The following CHN1 variants were observed in gnomAD, a reference collection of about 807,000 sequenced individuals.
CHN1 encodes chimerin 1, also known as N-chimaerin.
In CHN1, 37 loss-of-function variants were observed where a neutral mutation model predicts 59.5. That is an observed-to-expected ratio of 0.62 (90% CI 0.48 to 0.82). CHN1 has a LOEUF of 0.82. CHN1 is among the 40% of genes least tolerant of loss of function. CHN1 has a pLI of 0.00. For synonymous variants in CHN1, 206 were observed against 200.4 expected, an observed-to-expected ratio of 1.03 and a Z score of -0.24; for missense variants, 469 against 571.0, an observed-to-expected ratio of 0.82 and a Z score of 1.82.
chr2:174,986,412 C>T (rs745691369), intron 1 of CHN1, among the ~76,000 whole-genome samples: 4 of 151,974 alleles, frequency 2.6e-5, no homozygotes, highest in Non-Finnish European at 4.4e-5. Flanking sequence ...TGCCTAATAA[C>T]CAAAAGTTTA....
intron 3 of CHN1, among the ~76,000 whole-genome samples, chr2:174,939,965 A>C (rs1048977034): frequency 2.6e-5 from 4 of 152,190 alleles, no homozygotes; most frequent in African/African-American, 9.7e-5. Context: ...ACCAGAAGTC[A>C]CAATAACAAA....
intron 3 of CHN1, among the ~76,000 whole-genome samples, chr2:174,926,509 C>T (rs1469936649): frequency 2.0e-5 from 3 of 152,118 alleles, no homozygotes; most frequent in Admixed American, 6.6e-5. Context: ...TGACTTTCAC[C>T]CTGGCATTGT....
intron 6 of CHN1, among the ~76,000 whole-genome samples, chr2:174,869,112 T>C (rs1687319602): frequency 1.3e-5 from 2 of 152,140 alleles, no homozygotes; most frequent in South Asian, 2.1e-4. Flanking sequence ...AGGTCCAAGA[T>C]CCCAACAGAG....
intron 1 of CHN1, among the ~76,000 whole-genome samples, chr2:174,971,709 T>C (rs1209414381): frequency 1.3e-5 from 2 of 152,208 alleles, no homozygotes; most frequent in Admixed American, 6.5e-5. Context: ...AAGGCACCTA[T>C]TTAAAGTCAC....
chr2:174,997,307 T>C (rs1261698095), intron 1 of CHN1, among the ~76,000 whole-genome samples: 3 of 152,316 alleles, frequency 2.0e-5, no homozygotes, highest in South Asian at 2.1e-4. Context: ...CTTTTGCTTA[T>C]GACATCACCT....
intron 7 of CHN1, among the ~76,000 whole-genome samples, chr2:174,836,141 T>C (rs1686069310): frequency 6.6e-6 from 1 of 152,204 alleles, no homozygotes; most frequent in African/African-American, 2.4e-5. Flanking sequence ...CACAAGACTC[T>C]GCTTGGACTC....
chr2:174,815,433 A>C (rs939561596), intron 8 of CHN1, among the ~76,000 whole-genome samples: 2 of 152,106 alleles, frequency 1.3e-5, no homozygotes, highest in African/African-American at 4.8e-5. Flanking sequence ...AACTTGGATA[A>C]TTTCTACTTA....
intron 8 of CHN1, among the ~76,000 whole-genome samples, chr2:174,813,734 A>G (rs1263984653): frequency 2.0e-5 from 3 of 152,214 alleles, no homozygotes; most frequent in Non-Finnish European, 4.4e-5. Flanking sequence ...ACCTCTTGTA[A>G]ATCTAGTCCA....
intron 5 of CHN1, among the ~76,000 whole-genome samples, chr2:174,909,610 A>G (rs535575945): frequency 1.0e-3 from 152 of 152,338 alleles, no homozygotes; most frequent in African/African-American, 3.3e-3. Flanking sequence ...AGGAAAACCA[A>G]CCTTAGACTG....
intron 11 of CHN1, among the ~76,000 whole-genome samples, chr2:174,808,057 C>T (rs980200047): frequency 6.6e-6 from 1 of 152,134 alleles, no homozygotes; most frequent in Non-Finnish European, 1.5e-5. Context: ...GACAAATAAA[C>T]CTTTGCTTTT....
At chr2:174,905,626 G>A (rs1268911574) in intron 5 of CHN1, among the ~76,000 whole-genome samples, 4 of 151,808 alleles carry the variant, frequency 2.6e-5, no homozygotes, top group Admixed American at 6.6e-5. Context: ...GTGCAGTGGC[G>A]AAATCTAGGC....
Position 174,857,344 on chromosome 2 carries a change from T to A in CHN1, c.550-10387A>T, listed in dbSNP as rs184513346. ...ATTTCAGTCCCCTCTTTAAGTTATTTCTTTATGATTTTACATATCATTGCT... is the reference window on the plus strand; with the variant it reads ...ATTTCAGTCCCCTCTTTAAGTTATTACTTTATGATTTTACATATCATTGCT... On this transcript the variant is annotated intron_variant, in intron 6 of 12. Transcript: ENST00000409900. 6.6e-3 allele frequency among the ~76,000 whole-genome samples: 1,011 copies of A among 152,252 alleles called. 4 individuals carry two copies. The highest frequency in any genetic ancestry group is 0.037 in the Middle Eastern group (11 of 294).
chr2:174,955,690 C>T (rs1305208985), intron 1 of CHN1, among the ~76,000 whole-genome samples: 2 of 152,032 alleles, frequency 1.3e-5, no homozygotes, highest in Non-Finnish European at 2.9e-5. Flanking sequence ...GTGGTATGTA[C>T]ACACCATGTA....
chr2:174,830,873 G>A (rs1454939839), intron 7 of CHN1, among the ~76,000 whole-genome samples: 2 of 152,132 alleles, frequency 1.3e-5, no homozygotes, highest in African/African-American at 2.4e-5. Flanking sequence ...TAGTTAACAC[G>A]GAAGCACCGC....
At chr2:174,813,685 T>A (rs1037185317) in intron 8 of CHN1, among the ~76,000 whole-genome samples, 3 of 152,158 alleles carry the variant, frequency 2.0e-5, no homozygotes, top group Admixed American at 6.5e-5. Context: ...TTAAAAAAAA[T>A]AACCCATTTG....
chr2:174,951,512 T>C (rs1690025266), intron 2 of CHN1, among the ~76,000 whole-genome samples: 1 of 152,214 alleles, frequency 6.6e-6, no homozygotes, highest in South Asian at 2.1e-4. Flanking sequence ...TAATAATGCA[T>C]TCATAAATTT....
intron 6 of CHN1, chr2:174,875,685 G>C (rs1231241995): frequency 2.5e-6 from 1 of 392,256 alleles, no homozygotes; most frequent in Non-Finnish European, 3.5e-6. Flanking sequence ...AGAATTCACA[G>C]ACAAGAGGGG....
At chr2:174,856,057 CTACTGCTGTATTTGAATTTGAA>C (rs1026821635) in intron 6 of CHN1, among the ~76,000 whole-genome samples, 1 of 152,084 alleles carries the variant, frequency 6.6e-6, no homozygotes, top group African/African-American at 2.4e-5. Context: ...AGGCCTTTTA[CTACTGCTGTATTTGAATTTGAA>C]TACTGCTGTA....
At chr2:174,846,536 A>G in intron 7 of CHN1, 1 of 1,316,096 alleles carries the variant, frequency 7.6e-7, no homozygotes, top group Non-Finnish European at 1.0e-6. Context: ...ATCCTCTCAT[A>G]AAATCTCCAA....
Sources: gnomAD v4.1 joint callset for allele counts (sites outside exome capture counted in the v4.1 genomes callset) on GRCh38, gnomAD v4.1.1 for gene constraint, MANE v1.5 for transcripts, NCBI Gene and HGNC (gene_info 2026-07-23, HGNC 2026-07-21) for gene names.